The following FRMPD4 variants were observed in gnomAD, a reference collection of about 807,000 sequenced individuals.
FRMPD4 encodes FERM and PDZ domain containing 4, also known as FERM and PDZ domain-containing protein 4.
A neutral mutation model predicts 94.1 loss-of-function variants in FRMPD4; 22 were observed. That is an observed-to-expected ratio of 0.23 (90% CI 0.17 to 0.33). FRMPD4 has a LOEUF of 0.33. Among genes scored for constraint, FRMPD4 ranks in the 10% least tolerant of loss-of-function variants. The pLI is 1.00. For synonymous variants in FRMPD4, 631 were observed against 548.6 expected (o/e 1.15, Z -2.10); for missense variants, 1,111 against 1,339.9 (o/e 0.83, Z 2.67).
intron 1 of FRMPD4, among the ~76,000 whole-genome samples, chrX:12,276,645 C>T (rs113302767): frequency 0.039 from 4,371 of 110,838 alleles, 203 homozygotes; most frequent in African/African-American, 0.13. Context: ...CTATCAGTAA[C>T]TCCAAAAGGG....
At chrX:12,136,890 A>AACACACAC (rs376427153), upstream of FRMPD4, among the ~76,000 whole-genome samples, 593 of 97,589 alleles carry the variant, frequency 6.1e-3, 6 homozygotes, top group African/African-American at 0.016. Flanking sequence ...TCTACGTTAA[A>AACACACAC]ACACACACAC....
At chrX:12,179,005 T>C (rs1211814435) in intron 1 of FRMPD4, among the ~76,000 whole-genome samples, 1 of 112,195 alleles carries the variant, frequency 8.9e-6, no homozygotes, top group African/African-American at 3.2e-5. Context: ...TTCTGGACTA[T>C]TTGAATGCTG....
At chrX:11,835,693 C>A (rs1161190911) in intron 1 of FRMPD4, among the ~76,000 whole-genome samples, 1 of 111,830 alleles carries the variant, frequency 8.9e-6, no homozygotes, top group East Asian at 2.8e-4. Flanking sequence ...TCCTCTCTTC[C>A]CTTTCAACCA....
chrX:12,652,424 T>C (rs2059604172), intron 4 of FRMPD4, among the ~76,000 whole-genome samples: 1 of 112,161 alleles, frequency 8.9e-6, no homozygotes, highest in Non-Finnish European at 1.9e-5. Flanking sequence ...TCAGTGCCAC[T>C]AATTATATTC....
intron 1 of FRMPD4, among the ~76,000 whole-genome samples, chrX:12,463,681 G>GTGTGTT (rs1555969426): frequency 3.7e-4 from 19 of 51,042 alleles, no homozygotes; most frequent in African/African-American, 1.4e-3. Context: ...CTATGTGTGT[G>GTGTGTT]TTTTTTTTTT....
chrX:11,839,093 C>T (rs375630034), intron 1 of FRMPD4, among the ~76,000 whole-genome samples: 1 of 111,440 alleles, frequency 9.0e-6, no homozygotes, highest in Admixed American at 9.5e-5. Flanking sequence ...CATTTTACAT[C>T]CCCATCGGTA....
intron 3 of FRMPD4, among the ~76,000 whole-genome samples, chrX:12,038,463 T>C (rs6640867): frequency 0.066 from 7,380 of 112,171 alleles, 256 homozygotes; most frequent in East Asian, 0.23. Context: ...TTTGGAAATA[T>C]TTTCTCCCAG....
intron 1 of FRMPD4, among the ~76,000 whole-genome samples, chrX:12,375,343 C>G (rs770231526): frequency 1.4e-4 from 16 of 112,381 alleles, no homozygotes; most frequent in Admixed American, 1.2e-3. Flanking sequence ...AGGGTTTTAC[C>G]AAGCTAAAAT....
intron 4 of FRMPD4, among the ~76,000 whole-genome samples, chrX:12,642,738 C>CA (rs2059511412): frequency 8.9e-6 from 1 of 112,083 alleles, no homozygotes; most frequent in African/African-American, 3.2e-5. Context: ...CCCATCTCTA[C>CA]AAAAAATACA....
chrX:12,105,505 A>T (rs1209721669), intron 3 of FRMPD4, among the ~76,000 whole-genome samples: 1 of 112,293 alleles, frequency 8.9e-6, no homozygotes, highest in Non-Finnish European at 1.9e-5. Flanking sequence ...CGGTTGTAGT[A>T]ACATCAGAAT....
chrX:12,120,556 C>T (rs185805306), intron 3 of FRMPD4, among the ~76,000 whole-genome samples: 2 of 111,227 alleles, frequency 1.8e-5, no homozygotes, highest in East Asian at 2.8e-4. Context: ...AGAAGGTGTG[C>T]TATGCTCAGG....
At chrX:12,197,104 T>A (rs188949887) in intron 1 of FRMPD4, among the ~76,000 whole-genome samples, 177 of 111,657 alleles carry the variant, frequency 1.6e-3, no homozygotes, top group Non-Finnish European at 2.7e-3. Context: ...TATTTATGTG[T>A]TTTTTAAGTT....
chrX:11,895,341 A>G (rs1246641641), intron 3 of FRMPD4, among the ~76,000 whole-genome samples: 2 of 111,747 alleles, frequency 1.8e-5, no homozygotes, highest in African/African-American at 3.3e-5. Flanking sequence ...CCTGCAGTTA[A>G]GAACCACTGG....
chrX:11,980,157 T>TA (rs375016131), intron 3 of FRMPD4, among the ~76,000 whole-genome samples: 6 of 111,977 alleles, frequency 5.4e-5, no homozygotes, highest in Middle Eastern at 4.6e-3. Context: ...TTTAAAACAT[T>TA]AAAAAAACTT....
intron 3 of FRMPD4, among the ~76,000 whole-genome samples, chrX:12,113,012 G>A (rs2055379538): frequency 1.8e-5 from 2 of 111,576 alleles, no homozygotes; most frequent in Admixed American, 1.9e-4. Flanking sequence ...TGGAGTTTTG[G>A]GGGAAATATA....
rs750436045 is a variant in FRMPD4 at position 12,686,054 on chromosome X, TA to T, written c.574-41del. On this transcript the variant is annotated intron_variant, in intron 6 of 16. Coordinates refer to ENST00000675598, the MANE Select transcript of FRMPD4 (RefSeq NM_001368397.1). The stretch of plus-strand genomic sequence containing the variant: ...GCTGCTACTGCAAAGAGAAGAGTTA[TA>T]ATTTGATCAATTTATGCCCTGCCCT... 271 of 626,097 alleles carry T rather than the reference TA, an allele frequency of 4.3e-4. 3 individuals are homozygous for T. The South Asian group carries it at 6.4e-3, about 15-fold the overall frequency. The allele number at this position is 626,097 out of a possible 1,213,427, so 51.6% of individuals were successfully genotyped here.
intron 3 of FRMPD4, among the ~76,000 whole-genome samples, chrX:11,881,614 C>T (rs1160863651): frequency 8.9e-6 from 1 of 111,776 alleles, no homozygotes; most frequent in Non-Finnish European, 1.9e-5. Flanking sequence ...TGACAGAGAA[C>T]AGATCAGTGG....
intron 3 of FRMPD4, among the ~76,000 whole-genome samples, chrX:12,071,256 T>C (rs1326451973): frequency 1.8e-5 from 2 of 110,066 alleles, no homozygotes. Flanking sequence ...CTTCCTCCTA[T>C]ATGTCCCTCT....
chrX:12,157,911 GTA>G (rs2055960558), intron 1 of FRMPD4, among the ~76,000 whole-genome samples: 1 of 111,864 alleles, frequency 8.9e-6, no homozygotes, highest in Non-Finnish European at 1.9e-5. Context: ...AGGTGTGAGT[GTA>G]TTACAAGCTT....
Sources: gnomAD v4.1 joint callset for allele counts (sites outside exome capture counted in the v4.1 genomes callset) on GRCh38, gnomAD v4.1.1 for gene constraint, MANE v1.5 for transcripts, NCBI Gene and HGNC (gene_info 2026-07-23, HGNC 2026-07-21) for gene names.